MEP1B: variants seen among roughly 807,000 people sequenced by gnomAD.
MEP1B encodes the protein N-benzoyl-L-tyrosyl-P-amino-benzoic acid hydrolase subunit beta.
In MEP1B, 80 loss-of-function variants were observed where a neutral mutation model predicts 84.6. That is an observed-to-expected ratio of 0.95 (90% CI 0.79 to 1.14). MEP1B has a LOEUF of 1.14. MEP1B is among the 50% of genes most tolerant of loss of function. The pLI, the probability that MEP1B is intolerant of heterozygous loss-of-function variation, is 0.00. For missense variants in MEP1B, 766 were observed against 855.1 expected (o/e 0.90, Z 1.30); for synonymous variants, 273 against 288.1 (o/e 0.95, Z 0.53).
At chr18:32,193,094 GGA>G (rs2040818806) in intron 4 of MEP1B, among the ~76,000 whole-genome samples, 1 of 151,906 alleles carries the variant, frequency 6.6e-6, no homozygotes, top group African/African-American at 2.4e-5. Flanking sequence ...TTTCATTATT[GGA>G]GCAATATGAC....
At chr18:32,198,127 G>T (rs16962801) in intron 5 of MEP1B, among the ~76,000 whole-genome samples, 15,943 of 152,218 alleles carry the variant, frequency 0.1, 1,428 homozygotes, top group African/African-American at 0.24. Context: ...TGGAGGGGCA[G>T]TAAACTCAAC....
rs201584205 is a variant in MEP1B at position 32,192,596 on chromosome 18, C to G, written c.83-50C>G. The G allele has an allele frequency of 2.5e-4, 385 of 1,564,548 alleles. 3 individuals carry two copies. In the African/African-American group the frequency reaches 3.8e-3, roughly 15 times the overall value. On this transcript the variant is annotated intron_variant, in intron 2 of 14. Coordinates refer to ENST00000269202, the MANE Select transcript of MEP1B (RefSeq NM_005925.3). Reference sequence around the variant, plus strand: ...TTATATAAATGATAAAGGTTTTCTCCTTTTATAAACATAATGTTCAATTTT... The same window carrying G: ...TTATATAAATGATAAAGGTTTTCTCGTTTTATAAACATAATGTTCAATTTT...
In MEP1B at chr18:32,202,596, G is replaced by A. The variant is rs1320378970; in HGVS notation, c.251-297G>A. Among the ~76,000 whole-genome samples the A allele has an allele frequency of 2.6e-5, 4 of 152,172 alleles. No homozygotes were observed. The East Asian group carries it at 7.7e-4, about 29-fold the overall frequency. ...TGGTGATTATTTATTTTGATTGCCT[G>A]TGATCCAATGGATATGTTCTCTGAG... On this transcript the variant is annotated intron_variant, in intron 5 of 14. Transcript: ENST00000269202.
In MEP1B at chr18:32,213,288, T is replaced by A. The variant is rs2041048281; in HGVS notation, c.1308T>A (p.Asn436Lys). Residue 436 changes from asparagine (N) to lysine (K), a missense_variant, in exon 11 of 15, where the codon AAT becomes AAA. By Grantham distance (94) the Asn-to-Lys change is moderately conservative. Transcript: ENST00000269202. ...CTCATCATATCTGGCATATAAGGAA[T>A]TTCACACAGTTCATTGGCAGCCCAA... ...RCPHHIWHIR[N>K]FTQFIGSPNG... 1.2e-6 allele frequency: 2 copies of A among 1,613,968 alleles called. No homozygotes were observed. Among genetic ancestry groups the A allele is most frequent in the Non-Finnish European group, 8.5e-7 (1 of 1,179,872 alleles).
chr18:32,193,314 T>G (rs530719768), intron 4 of MEP1B, among the ~76,000 whole-genome samples: 1 of 152,206 alleles, frequency 6.6e-6, no homozygotes, highest in African/African-American at 2.4e-5. Context: ...TAAGTCATCA[T>G]GCCACACAGA....
Position 32,196,064 on chromosome 18 carries a change from G to A in MEP1B, c.250+579G>A, listed in dbSNP as rs1183721112. Reference sequence around the variant, plus strand: ...GGGGAAGAAGGGTCATTGGCAGCCCGGGGCTGGGAACCCAGGTCCTCTGGT... The same window carrying A: ...GGGGAAGAAGGGTCATTGGCAGCCCAGGGCTGGGAACCCAGGTCCTCTGGT... On this transcript the variant is annotated intron_variant, in intron 5 of 14. Transcript: ENST00000269202. The surrounding 1 kb of genome is among the most constrained non-coding windows in gnomAD (Gnocchi z 4.4). 6.9e-6 allele frequency: 3 copies of A among 436,750 alleles called. No homozygotes were observed. The highest frequency in any genetic ancestry group is 1.3e-5 in the Non-Finnish European group (3 of 234,380). 27.1% of individuals were successfully genotyped at this position (436,750 alleles called of 1,614,324 possible).
chr18:32,192,508 C>T, intron 2 of MEP1B, 138 bp from the exon 3 acceptor site: 1 of 739,772 alleles, frequency 1.4e-6, no homozygotes, highest in Non-Finnish European at 2.3e-6. Flanking sequence ...ATCAATCAAT[C>T]AATGTATGTT....
chr18:32,216,879 A>G, intron 12 of MEP1B, 112 bp from the exon 13 acceptor site: 2 of 1,296,186 alleles, frequency 1.5e-6, no homozygotes, highest in East Asian at 2.6e-5. Context: ...AAAAAAAAAA[A>G]AGAAAGAAAG....
At chr18:32,195,787 G>A (rs1014652548) in intron 5 of MEP1B, among the ~76,000 whole-genome samples, 22 of 151,996 alleles carry the variant, frequency 1.4e-4, no homozygotes, top group African/African-American at 5.1e-4. Flanking sequence ...GTCTTTTTTT[G>A]TGGGGGAGGG....
At chr18:32,212,171 T>C (rs1428571263) in intron 10 of MEP1B, among the ~76,000 whole-genome samples, 4 of 151,400 alleles carry the variant, frequency 2.6e-5, no homozygotes, top group Non-Finnish European at 5.9e-5. Flanking sequence ...ATATATATAA[T>C]TGTCCAGGAC....
chr18:32,210,332 A>T (rs1382164600), intron 9 of MEP1B, among the ~76,000 whole-genome samples, 169 bp from the exon 10 acceptor site: 1 of 152,260 alleles, frequency 6.6e-6, no homozygotes, highest in Non-Finnish European at 1.5e-5. Context: ...TCAATCTGCT[A>T]GCTTTTGCAA....
At chr18:32,199,034 T>C (rs1453767402) in intron 5 of MEP1B, among the ~76,000 whole-genome samples, 1 of 152,100 alleles carries the variant, frequency 6.6e-6, no homozygotes, top group Non-Finnish European at 1.5e-5. Context: ...GCTGAGGGCA[T>C]GGTAACGTCT....
At chr18:32,202,275 T>C (rs2040919858) in intron 5 of MEP1B, among the ~76,000 whole-genome samples, 1 of 152,316 alleles carries the variant, frequency 6.6e-6, no homozygotes, top group Non-Finnish European at 1.5e-5. Context: ...CAAGTTTCTT[T>C]TCCTGCATGT....
At chr18:32,207,715 G>A (rs1017167984) in intron 8 of MEP1B, among the ~76,000 whole-genome samples, 2 of 152,216 alleles carry the variant, frequency 1.3e-5, no homozygotes, top group African/African-American at 4.8e-5. Context: ...CCTCAGGCAA[G>A]TTTTTAAAGC....
chr18:32,196,733 G>A lies in MEP1B; in HGVS notation c.250+1248G>A. The A allele has an allele frequency of 3.1e-6, 2 of 637,834 alleles. No homozygotes were observed. The highest frequency in any genetic ancestry group is 2.9e-6 in the Non-Finnish European group (1 of 350,546). 39.5% of individuals were successfully genotyped at this position (637,834 alleles called of 1,614,324 possible). A position where few individuals can be genotyped will look rare whatever the true frequency, so the allele number is the denominator to read the frequency against. On this transcript the variant is annotated intron_variant, in intron 5 of 14. Coordinates refer to ENST00000269202, the MANE Select transcript of MEP1B (RefSeq NM_005925.3). The surrounding 1 kb of genome is among the most constrained non-coding windows in gnomAD (Gnocchi z 4.4). ...GGCTGAGGGCCAGGGACAGCTGCCT[G>A]CTGGTGAAGCAGTGCAGGGCCAGGT...
At chr18:32,193,337 C>T (rs76243013) in intron 4 of MEP1B, among the ~76,000 whole-genome samples, 5,554 of 152,118 alleles carry the variant, frequency 0.037, 307 homozygotes, top group African/African-American at 0.12. Flanking sequence ...AACACAAGAA[C>T]CTTGCAGGTA....
intron 2 of MEP1B, among the ~76,000 whole-genome samples, chr18:32,192,376 T>C (rs2040810154): frequency 6.6e-6 from 1 of 152,134 alleles, no homozygotes; most frequent in Non-Finnish European, 1.5e-5. Context: ...TAATAATATA[T>C]GGAGCAACCA....
At position 32,193,044 on chromosome 18, in the gene MEP1B, A is replaced by G. The variant is rs138384877; in HGVS notation, c.171+227A>G. 7.9e-5 allele frequency among the ~76,000 whole-genome samples: 12 copies of G among 152,300 alleles called. No homozygotes were observed. In the East Asian group the frequency reaches 2.3e-3, roughly 29 times the overall value. On this transcript the variant is annotated intron_variant, in intron 4 of 14. Transcript: ENST00000269202. Reference sequence around the variant, plus strand: ...ATTTCTGTGTGGTTCAAGCCACCATAACTCATTACATATGTCTTAGTCTTA... The same window carrying G: ...ATTTCTGTGTGGTTCAAGCCACCATGACTCATTACATATGTCTTAGTCTTA...
rs1320548902 is a variant in MEP1B, at chr18:32,207,417, G to A, written c.713G>A (p.Arg238Gln). Residue 238 changes from arginine to glutamine, a missense_variant, in exon 8 of 15, where the codon CGA becomes CAA. Physicochemically the swap from Arg to Gln is conservative, Grantham distance 43. Coordinates refer to ENST00000269202, the MANE Select transcript of MEP1B (RefSeq NM_005925.3). ...ISDFEDVIGQ[R>Q]MDFSDSDLLK... ...GACTTTGAGGATGTGATCGGCCAAC[G>A]AATGGATTTCAGTGACTCTGATCTC... is the stretch of plus-strand genomic sequence containing the variant. 9.9e-6 allele frequency: 16 copies of A among 1,613,182 alleles called. No individual in the cohort carries two copies. The highest frequency in any genetic ancestry group is 1.4e-5 in the Non-Finnish European group (16 of 1,179,576).
Sources: allele counts gnomAD v4.1 joint callset (sites outside exome capture counted in the v4.1 genomes callset), GRCh38; gene constraint gnomAD v4.1.1; non-coding constraint Gnocchi (gnomAD v3.1); transcripts MANE v1.5; gene names NCBI Gene and HGNC (gene_info 2026-07-23, HGNC 2026-07-21).